OPRM1: variants seen among roughly 807,000 people sequenced by gnomAD.
The protein encoded by OPRM1 is opioid receptor mu 1.
A neutral mutation model predicts 31.8 loss-of-function variants in OPRM1; 27 were observed. That is an observed-to-expected ratio of 0.85 (90% CI 0.63 to 1.17). The LOEUF (loss-of-function observed/expected upper bound fraction) is 1.17, where lower values mean the gene tolerates loss of function less well. OPRM1 is among the 50% of genes most tolerant of loss of function. OPRM1 has a pLI of 0.00. For missense variants in OPRM1, 536 were observed against 511.1 expected (o/e 1.05, Z -0.47); for synonymous variants, 196 against 189.9 (o/e 1.03, Z -0.26).
At chr6:154,180,755 G>A (rs924259413) in intron 3 of OPRM1, among the ~76,000 whole-genome samples, 4 of 152,168 alleles carry the variant, frequency 2.6e-5, no homozygotes, top group African/African-American at 4.8e-5. Flanking sequence ...GCTGGATTCA[G>A]AAGACAGGAG....
At chr6:154,103,388 A>G (rs1323196082) in intron 3 of OPRM1, among the ~76,000 whole-genome samples, 1 of 152,258 alleles carries the variant, frequency 6.6e-6, no homozygotes, top group Admixed American at 6.5e-5. Context: ...AGTTATCATT[A>G]GTTATGGCAA....
At chr6:154,033,170 A>C (rs1779104366) in intron 1 of OPRM1, among the ~76,000 whole-genome samples, 1 of 152,172 alleles carries the variant, frequency 6.6e-6, no homozygotes, top group African/African-American at 2.4e-5. Flanking sequence ...TTTAAAAATA[A>C]AGTTATGGAA....
chr6:154,131,718 A>C lies in OPRM1; in HGVS notation c.*12997A>C, dbSNP rs1399420266. 6.6e-6 allele frequency among the ~76,000 whole-genome samples: 1 copy of C among 152,228 alleles called. No homozygotes were observed. The highest frequency in any genetic ancestry group is 1.5e-5 in the Non-Finnish European group (1 of 68,032). On this transcript the variant is annotated 3_prime_UTR_variant, in exon 4 of 4. Coordinates refer to ENST00000330432, the MANE Select transcript of OPRM1 (RefSeq NM_000914.5). ...CAATCACCTTTCAAAACATGGTATG[A>C]AATCCACAGTTGTAACAGTGAGCAC...
At chr6:154,226,922 C>T (rs1232248264) in intron 3 of OPRM1, among the ~76,000 whole-genome samples, 3 of 152,188 alleles carry the variant, frequency 2.0e-5, no homozygotes, top group Non-Finnish European at 4.4e-5. Flanking sequence ...TCTGGCCAGG[C>T]GCAGTGGCTC....
chr6:154,246,775 T>G (rs1307662066), exon 4 of OPRM1: 1 of 1,613,218 alleles, frequency 6.2e-7, no homozygotes, highest in Admixed American at 1.7e-5. Context: ...AATGATTACA[T>G]GAAGAGGTAG....
At chr6:154,030,447 A>G (rs1197183867) in intron 1 of OPRM1, among the ~76,000 whole-genome samples, 1 of 152,216 alleles carries the variant, frequency 6.6e-6, no homozygotes, top group South Asian at 2.1e-4. Flanking sequence ...TGAACTTCAA[A>G]GCATCAATTT....
chr6:154,173,904 G>T (rs897337978), intron 3 of OPRM1, among the ~76,000 whole-genome samples: 4 of 152,190 alleles, frequency 2.6e-5, no homozygotes, highest in Non-Finnish European at 5.9e-5. Flanking sequence ...AGGAAAAAAT[G>T]TTAAGGGCAG....
intron 1 of OPRM1, among the ~76,000 whole-genome samples, chr6:154,066,984 A>G (rs1785553152): frequency 6.6e-6 from 1 of 152,146 alleles, no homozygotes; most frequent in African/African-American, 2.4e-5. Flanking sequence ...ACTCTCTTGT[A>G]AACATTTTAT....
intron 3 of OPRM1, among the ~76,000 whole-genome samples, chr6:154,183,573 G>A (rs1801080035): frequency 6.6e-6 from 1 of 152,126 alleles, no homozygotes; most frequent in Admixed American, 6.6e-5. Flanking sequence ...TGCTATAAAG[G>A]TATGTTCTAA....
At chr6:154,191,464 A>C (rs1213025585) in intron 3 of OPRM1, among the ~76,000 whole-genome samples, 2 of 152,140 alleles carry the variant, frequency 1.3e-5, no homozygotes, top group Non-Finnish European at 2.9e-5. Flanking sequence ...ACCTGAGGTC[A>C]GGGGTTTGAG....
intron 3 of OPRM1, among the ~76,000 whole-genome samples, chr6:154,216,198 G>C (rs1257582273): frequency 6.6e-6 from 1 of 151,610 alleles, no homozygotes; most frequent in Non-Finnish European, 1.5e-5. Flanking sequence ...GCTTGTAATG[G>C]CAAAAAGAAA....
At chr6:154,061,496 A>T (rs1784406659) in intron 1 of OPRM1, among the ~76,000 whole-genome samples, 1 of 152,178 alleles carries the variant, frequency 6.6e-6, no homozygotes, top group Admixed American at 6.6e-5. Context: ...GCCATAAAAA[A>T]GAATGAAATC....
At chr6:154,054,397 C>G (rs1178323779) in intron 1 of OPRM1, among the ~76,000 whole-genome samples, 4 of 149,862 alleles carry the variant, frequency 2.7e-5, no homozygotes, top group African/African-American at 9.8e-5. Flanking sequence ...AAAAGGAAAC[C>G]CGCCTAAGGT....
upstream of OPRM1, among the ~76,000 whole-genome samples, chr6:154,034,767 T>C (rs369103479): frequency 2.0e-4 from 30 of 152,248 alleles, no homozygotes; most frequent in East Asian, 4.4e-3. Flanking sequence ...ACTAGGGTAA[T>C]GGCAAACCTC....
chr6:154,208,205 T>C (rs1777659733), intron 3 of OPRM1, among the ~76,000 whole-genome samples: 1 of 105,374 alleles, frequency 9.5e-6, no homozygotes, highest in African/African-American at 3.1e-5. Flanking sequence ...ATGCTTTGGC[T>C]TCATTTCCTA....
intron 1 of OPRM1, among the ~76,000 whole-genome samples, chr6:154,048,246 C>G (rs1781534771): frequency 6.6e-6 from 1 of 152,156 alleles, no homozygotes; most frequent in African/African-American, 2.4e-5. Context: ...CACTATCTTC[C>G]AATATGCTTC....
intron 1 of OPRM1, among the ~76,000 whole-genome samples, chr6:154,032,289 T>C (rs1240376437): frequency 1.3e-5 from 2 of 152,160 alleles, no homozygotes; most frequent in East Asian, 3.9e-4. Context: ...CCCATAAAAG[T>C]CTTATAAAGT....
In OPRM1 at chr6:154,076,390, A is replaced by G. The variant is rs139578893; in HGVS notation, c.291-13436A>G. Reference sequence around the variant, plus strand: ...TAAATCAGTGAGAAAAAGACAACCTAATAAAAATGGTCAAAAAATAAATTC... The same window carrying G: ...TAAATCAGTGAGAAAAAGACAACCTGATAAAAATGGTCAAAAAATAAATTC... On this transcript the variant is annotated intron_variant, in intron 1 of 3. Transcript: ENST00000330432. Among the ~76,000 whole-genome samples, 40 of 152,338 alleles carry G rather than the reference A, an allele frequency of 2.6e-4. 1 individual carries two copies. In the East Asian group the frequency reaches 7.5e-3, roughly 29 times the overall value.
At chr6:154,099,227 A>G (rs1288541221) in intron 3 of OPRM1, among the ~76,000 whole-genome samples, 2 of 149,746 alleles carry the variant, frequency 1.3e-5, no homozygotes, top group African/African-American at 4.9e-5. Flanking sequence ...TGAGGCTGCA[A>G]TGAGCAGTGA....
Sources: gnomAD v4.1 joint callset for allele counts (sites outside exome capture counted in the v4.1 genomes callset) on GRCh38, gnomAD v4.1.1 for gene constraint, MANE v1.5 for transcripts, NCBI Gene and HGNC (gene_info 2026-07-23, HGNC 2026-07-21) for gene names.